Variants in ZFAND4 observed in about 807,000 individuals in gnomAD.
The protein encoded by ZFAND4 is AN1-type zinc finger protein 4.
In ZFAND4, 43 loss-of-function variants were observed where a neutral mutation model predicts 64.4. The ratio of observed to expected loss-of-function variants is 0.67; its 90% CI spans 0.52 to 0.86. The LOEUF is 0.86. Among genes scored for constraint, ZFAND4 ranks in the 40% least tolerant of loss-of-function variants. The probability of loss-of-function intolerance (pLI) is 0.00; values close to 1 mark genes in which losing one functional copy is unlikely to be tolerated. For synonymous variants in ZFAND4, 296 were observed against 305.7 expected (o/e 0.97, Z 0.33); for missense variants, 929 against 859.8 (o/e 1.08, Z -1.01).
At chr10:45,666,436 T>G (rs1410945950) in intron 1 of ZFAND4, among the ~76,000 whole-genome samples, 1 of 152,214 alleles carries the variant, frequency 6.6e-6, no homozygotes, top group Admixed American at 6.5e-5. Flanking sequence ...TATTACATAT[T>G]CTAGATAAAA....
intron 7 of ZFAND4, among the ~76,000 whole-genome samples, chr10:45,625,493 AAGGG>A (rs2045747468): frequency 6.6e-6 from 1 of 151,572 alleles, no homozygotes; most frequent in South Asian, 2.1e-4. Context: ...AAAAAAAAAA[AAGGG>A]AGAGAGAGAG....
chr10:45,624,764 A>G, intron 7 of ZFAND4, 127 bp from the exon 8 acceptor site: 2 of 770,234 alleles, frequency 2.6e-6, no homozygotes, highest in Non-Finnish European at 4.1e-6. Flanking sequence ...TATTTATTCC[A>G]ATTTTTGTTT....
chr10:45,628,057 T>A (rs1366332150), intron 6 of ZFAND4, among the ~76,000 whole-genome samples: 6 of 152,164 alleles, frequency 3.9e-5, no homozygotes, highest in South Asian at 2.1e-4. Flanking sequence ...GTAGATTTTT[T>A]AAAAAGTACC....
At chr10:45,618,756 T>C (rs1392343675) in intron 8 of ZFAND4, among the ~76,000 whole-genome samples, 1 of 152,218 alleles carries the variant, frequency 6.6e-6, no homozygotes, top group Non-Finnish European at 1.5e-5. Context: ...TTTCAAAACT[T>C]CAATATGTTT....
At position 45,621,393 on chromosome 10, in the gene ZFAND4, T is replaced by C. The variant is rs150401266; in HGVS notation, c.1928-3133A>G. On this transcript the variant is annotated intron_variant, in intron 8 of 9. Coordinates refer to ENST00000344646, the MANE Select transcript of ZFAND4 (RefSeq NM_174890.4). ...CTAAATGAAATCAAACAAAAAAGCATATATCTGGGGACAAGCAGAGGGCTG... is the reference window on the plus strand; with the variant it reads ...CTAAATGAAATCAAACAAAAAAGCACATATCTGGGGACAAGCAGAGGGCTG... Among the ~76,000 whole-genome samples the C allele has an allele frequency of 4.4e-3, 619 of 141,440 alleles. 4 individuals are homozygous for C. Among genetic ancestry groups the C allele is most frequent in the African/African-American group, 0.015 (585 of 37,880 alleles). 92.8% of individuals were successfully genotyped at this position (141,440 alleles called of 152,430 possible).
intron 5 of ZFAND4, among the ~76,000 whole-genome samples, chr10:45,645,004 G>A (rs2047277534): frequency 7.0e-6 from 1 of 142,766 alleles, no homozygotes; most frequent in Admixed American, 7.2e-5. Context: ...CTTTTTGAGA[G>A]GGGGTCTCAC....
chr10:45,650,217 C>T (rs1254849009), intron 4 of ZFAND4: 1 of 152,004 alleles, frequency 6.6e-6, no homozygotes, highest in Non-Finnish European at 1.5e-5. Flanking sequence ...ACTGTAGTGG[C>T]GCAGTCTCCA....
Position 45,626,170 on chromosome 10 carries a change from T to G in ZFAND4, c.1653A>C (p.Glu551Asp), listed in dbSNP as rs74333130. 1.9e-6 allele frequency: 3 copies of G among 1,614,180 alleles called. No individual in the cohort carries two copies. The East Asian group carries it at 6.7e-5, about 36-fold the overall frequency. ...ISKVEARDIT[E>D]MTNKASKEPV... is the part of the protein sequence containing the mutation. The stretch of plus-strand genomic sequence containing the variant: ...GCTCTTTGGAAGCCTTGTTAGTCAT[T>G]TCTGTGATATCCCGAGCCTCAACTT... The change falls in exon 7 of 10, where the codon GAA becomes GAC. Residue 551 changes from glutamate to aspartate, a missense_variant. Physicochemically the swap from Glu to Asp is conservative, Grantham distance 45 (BLOSUM62 2). Transcript: ENST00000344646.
At chr10:45,617,985 T>C (rs1361583170) in intron 9 of ZFAND4, 155 bp downstream of exon 9, 1 of 707,744 alleles carries the variant, frequency 1.4e-6, no homozygotes, top group Non-Finnish European at 2.2e-6. Flanking sequence ...CTACTTGTTC[T>C]TTACTTCAGC....
chr10:45,655,547 A>C (rs1589403618), intron 2 of ZFAND4, among the ~76,000 whole-genome samples: 1 of 152,368 alleles, frequency 6.6e-6, no homozygotes, highest in Non-Finnish European at 1.5e-5. Context: ...GGAAACAAAA[A>C]ATACTAAAGA....
In ZFAND4 at chr10:45,643,499, T is replaced by A. The variant is rs544099224; in HGVS notation, c.570-3536A>T. On this transcript the variant is annotated intron_variant, in intron 5 of 9. Coordinates refer to ENST00000344646, the MANE Select transcript of ZFAND4 (RefSeq NM_174890.4). Reference sequence around the variant, plus strand: ...TCCTGGCTAACACGGTGAAACCCCGTCTCTGCTAAAAATACAAAAAATTAG... The same window carrying A: ...TCCTGGCTAACACGGTGAAACCCCGACTCTGCTAAAAATACAAAAAATTAG... 6.6e-5 allele frequency among the ~76,000 whole-genome samples: 10 copies of A among 151,310 alleles called. No homozygotes were observed. The South Asian group carries it at 2.1e-3, about 32-fold the overall frequency.
intron 6 of ZFAND4, among the ~76,000 whole-genome samples, chr10:45,629,727 G>C (rs2046078335): frequency 6.6e-6 from 1 of 152,090 alleles, no homozygotes; most frequent in Non-Finnish European, 1.5e-5. Flanking sequence ...GCTGGGCATG[G>C]TGGCAGGAGC....
intron 2 of ZFAND4, among the ~76,000 whole-genome samples, chr10:45,656,713 T>C (rs1380206456): frequency 6.6e-6 from 1 of 152,088 alleles, no homozygotes. Flanking sequence ...TGCTGAAGCC[T>C]AAATACCCAA....
Position 45,665,036 on chromosome 10 carries a change from C to T in ZFAND4, c.-117-1194G>A, listed in dbSNP as rs190737193. Among the ~76,000 whole-genome samples, 8 of 152,312 alleles carry T rather than the reference C, an allele frequency of 5.3e-5. No homozygotes were observed. The East Asian group carries it at 1.5e-3, about 29-fold the overall frequency. On this transcript the variant is annotated intron_variant, in intron 1 of 9. Coordinates refer to ENST00000344646, the MANE Select transcript of ZFAND4 (RefSeq NM_174890.4). ...GGTAATAAGTATTAGACAATCTCTG[C>T]TCACATACATACAATGGCTAATAAG...
At chr10:45,618,036 T>C in intron 9 of ZFAND4, 104 bp downstream of exon 9, 1 of 1,192,670 alleles carries the variant, frequency 8.4e-7, no homozygotes, top group Non-Finnish European at 1.2e-6. Context: ...GAACATCATC[T>C]TAATGATGTT....
chr10:45,626,400 G>C lies in ZFAND4; in HGVS notation c.1423C>G (p.Leu475Val). ...SPHKNRLLSP[L>V]RCSAPMSLHN... ...AGCGACATTGGTGCAGAACAGCGAA[G>C]AGGTGACAAGAGTCTATTCTTGTGA... The change falls in exon 7 of 10, where the codon CTT becomes GTT. Residue 475 changes from leucine (L) to valine (V), a missense_variant. Coordinates refer to ENST00000344646, the MANE Select transcript of ZFAND4 (RefSeq NM_174890.4). 1.9e-6 allele frequency: 3 copies of C among 1,614,108 alleles called. No homozygotes were observed. The highest frequency in any genetic ancestry group is 2.5e-6 in the Non-Finnish European group (3 of 1,180,046).
Position 45,626,262 on chromosome 10 carries a change from A to G in ZFAND4, c.1561T>C (p.Ser521Pro), listed in dbSNP as rs1341979793. ...DVQNITDSSF[S>P]RTTCFQGVKV... ...ACACCTTGAAAGCAAGTAGTCCTAG[A>G]GAAAGAAGAATCAGTTATGTTTTGA... Residue 521 changes from serine (S) to proline (P), a missense_variant, in exon 7 of 10, where the codon TCT (serine) becomes CCT (proline). By Grantham distance (74) the Ser-to-Pro change is moderately conservative. Coordinates refer to ENST00000344646, the MANE Select transcript of ZFAND4 (RefSeq NM_174890.4). 1 of 1,614,192 alleles carries G rather than the reference A, an allele frequency of 6.2e-7. No homozygotes were observed. Among genetic ancestry groups the G allele is most frequent in the Admixed American group, 1.7e-5 (1 of 60,012 alleles).
chr10:45,637,158 T>C (rs1235253343), intron 6 of ZFAND4, among the ~76,000 whole-genome samples: 1 of 151,198 alleles, frequency 6.6e-6, no homozygotes, highest in Non-Finnish European at 1.5e-5. Context: ...CTGGCCAACA[T>C]GGCAAAACCC....
rs771061868 is a variant in ZFAND4, at chr10:45,626,511, G to A, written c.1312C>T (p.Pro438Ser). ...GCAACATGCTTGAGATGCTGCTCTG[G>A]AGCTTTCAACCCTTTGTCAGCATTA... ...LTNADKGLKA[P>S]EQHLKHVAGV... The change falls in exon 7 of 10, where the codon CCA becomes TCA. Residue 438 changes from proline (P) to serine (S), a missense_variant. Pro to Ser is a moderately conservative substitution (Grantham distance 74). Coordinates refer to ENST00000344646, the MANE Select transcript of ZFAND4 (RefSeq NM_174890.4). The A allele has an allele frequency of 6.2e-6, 10 of 1,613,928 alleles. No individual in the cohort carries two copies. The South Asian group carries it at 6.6e-5, about 11-fold the overall frequency.
Sources: gnomAD v4.1 joint callset for allele counts (sites outside exome capture counted in the v4.1 genomes callset) on GRCh38, gnomAD v4.1.1 for gene constraint, MANE v1.5 for transcripts, NCBI Gene and HGNC (gene_info 2026-07-23, HGNC 2026-07-21) for gene names.